The following CCDC88A variants were observed in gnomAD, a reference collection of about 807,000 sequenced individuals.
The protein encoded by CCDC88A is coiled-coil and HOOK domain protein 88A, also known as girdin.
A neutral mutation model predicts 234.3 loss-of-function variants in CCDC88A; 54 were observed. The observed-to-expected ratio is 0.23, with a 90% CI of 0.19 to 0.29. The LOEUF (loss-of-function observed/expected upper bound fraction) is 0.29. Ranked by LOEUF, CCDC88A falls within the 10% of genes least tolerant of loss-of-function variation. The pLI, the probability that CCDC88A is intolerant of heterozygous loss-of-function variation, is 1.00. For synonymous variants in CCDC88A, 753 were observed against 737.8 expected (o/e 1.02, Z -0.33); for missense variants, 1,832 against 2,123.4 (o/e 0.86, Z 2.70).
rs1574210869 is a variant in CCDC88A at position 55,346,320 on chromosome 2, A to G, written c.896T>C (p.Leu299Pro). ...KRLQQENMNLLSDARSARMYR... is the reference protein window; with the variant it reads ...KRLQQENMNLPSDARSARMYR... ...CATTCTGGCAGAGCGAGCATCCGAA[A>G]GCAAATTCATGTTCTAAACAAAAAT... Residue 299 changes from leucine (L) to proline (P), a missense_variant, in exon 10 of 33, where the codon CTT becomes CCT. By Grantham distance (98) the Leu-to-Pro change is moderately conservative (BLOSUM62 -3). Coordinates refer to ENST00000436346, the MANE Select transcript of CCDC88A (RefSeq NM_001365480.1). 6.3e-7 allele frequency: 1 copy of G among 1,588,440 alleles called. No individual in the cohort carries two copies. Among genetic ancestry groups the G allele is most frequent in the East Asian group, 2.3e-5 (1 of 44,188 alleles).
intron 32 of CCDC88A, chr2:55,291,386 AC>A (rs764406687): frequency 2.7e-5 from 5 of 186,892 alleles, no homozygotes; most frequent in African/African-American, 4.7e-5. Context: ...TTGTATTCCT[AC>A]CACAAAAGGC....
At chr2:55,358,949 A>G (rs1204993064) in intron 7 of CCDC88A, among the ~76,000 whole-genome samples, 2 of 152,140 alleles carry the variant, frequency 1.3e-5, no homozygotes, top group Non-Finnish European at 2.9e-5. Context: ...CTTGGAGTCA[A>G]CTTTTATTTG....
chr2:55,349,788 A>AGG (rs1280672943), intron 8 of CCDC88A, 189 bp from the exon 9 acceptor site: 2 of 485,282 alleles, frequency 4.1e-6, no homozygotes, highest in Non-Finnish European at 7.1e-6. Context: ...CATTAATAAA[A>AGG]CCTCTTCCCT....
chr2:55,321,951 A>C (rs893977574), intron 18 of CCDC88A, among the ~76,000 whole-genome samples: 1 of 149,354 alleles, frequency 6.7e-6, no homozygotes, highest in Non-Finnish European at 1.5e-5. Flanking sequence ...CACCACAACT[A>C]TTTTACTTGT....
chr2:55,330,540 T>A (rs575874519), intron 16 of CCDC88A, among the ~76,000 whole-genome samples: 1 of 152,044 alleles, frequency 6.6e-6, no homozygotes. Flanking sequence ...CTGATATACA[T>A]AAATCCCAAG....
chr2:55,332,447 G>T lies in CCDC88A; in HGVS notation c.2855+119C>A, dbSNP rs1685032299. On this transcript the variant is annotated intron_variant, in intron 16 of 32. Transcript: ENST00000436346. The surrounding 1 kb of genome is among the most constrained non-coding windows in gnomAD (Gnocchi z 4.5). Reference sequence around the variant, plus strand: ...ACAGAACTTTCCTTAAGGGAAGGAAGGAACCAGAAATAGGGTGAAATATAT... The same window carrying T: ...ACAGAACTTTCCTTAAGGGAAGGAATGAACCAGAAATAGGGTGAAATATAT... 1.4e-6 allele frequency: 2 copies of T among 1,397,832 alleles called. No individual in the cohort carries two copies. Among genetic ancestry groups the T allele is most frequent in the Non-Finnish European group, 9.3e-7 (1 of 1,077,078 alleles). 86.6% of individuals were successfully genotyped at this position (1,397,832 alleles called of 1,614,324 possible).
intron 2 of CCDC88A, among the ~76,000 whole-genome samples, chr2:55,390,985 A>G (rs1208252955): frequency 6.6e-6 from 1 of 152,218 alleles, no homozygotes; most frequent in Admixed American, 6.5e-5. Context: ...AAAACAAAGC[A>G]AAACAAAAAA....
intron 2 of CCDC88A, among the ~76,000 whole-genome samples, chr2:55,408,843 T>A (rs1239641457): frequency 6.6e-6 from 1 of 152,142 alleles, no homozygotes; most frequent in Non-Finnish European, 1.5e-5. Context: ...TTGGGACCCC[T>A]TTCCAGTAAC....
chr2:55,293,137 A>G (rs981369289), intron 31 of CCDC88A, among the ~76,000 whole-genome samples: 31 of 152,184 alleles, frequency 2.0e-4, no homozygotes, highest in African/African-American at 7.5e-4. Flanking sequence ...TGATTTTTCA[A>G]TGAATTTTGA....
chr2:55,347,663 C>T (rs1574218199), intron 9 of CCDC88A, among the ~76,000 whole-genome samples: 2 of 130,672 alleles, frequency 1.5e-5, no homozygotes, highest in South Asian at 2.6e-4. Flanking sequence ...GGCTGGAGTG[C>T]AGCAGTGGCA....
At chr2:55,343,926 T>C in intron 11 of CCDC88A, 134 bp from the exon 12 acceptor site, 1 of 703,880 alleles carries the variant, frequency 1.4e-6, no homozygotes, top group Middle Eastern at 4.2e-4. Flanking sequence ...TTTTTCAGTT[T>C]TGAAGGCAAT....
intron 2 of CCDC88A, among the ~76,000 whole-genome samples, chr2:55,393,065 G>A (rs1435400974): frequency 6.6e-6 from 1 of 151,678 alleles, no homozygotes; most frequent in African/African-American, 2.4e-5. Context: ...ACCTTGTTGG[G>A]ATTTACTGAC....
intron 3 of CCDC88A, among the ~76,000 whole-genome samples, chr2:55,376,529 TTATC>T (rs1330381536): frequency 6.6e-6 from 1 of 152,200 alleles, no homozygotes; most frequent in Non-Finnish European, 1.5e-5. Flanking sequence ...AATTCATCTC[TTATC>T]TATAATTCTT....
chr2:55,406,762 T>TA (rs11334511), intron 2 of CCDC88A, among the ~76,000 whole-genome samples: 2 of 150,128 alleles, frequency 1.3e-5, no homozygotes, highest in Non-Finnish European at 3.0e-5. Flanking sequence ...CTGTCTCAAA[T>TA]AAAAAAAAAA....
chr2:55,376,481 C>T (rs1348748811), intron 3 of CCDC88A, among the ~76,000 whole-genome samples: 2 of 152,256 alleles, frequency 1.3e-5, no homozygotes, highest in African/African-American at 4.8e-5. Context: ...AGCACTTACC[C>T]ATGGTCAGTG....
At chr2:55,313,280 C>T (rs1275885923) in intron 22 of CCDC88A, 1 of 152,254 alleles carries the variant, frequency 6.6e-6, no homozygotes, top group Non-Finnish European at 1.5e-5. Flanking sequence ...GTTGGTCAGG[C>T]TGGTCTCTAA....
chr2:55,301,620 C>G (rs976036737), intron 27 of CCDC88A: 4 of 553,284 alleles, frequency 7.2e-6, no homozygotes, highest in Non-Finnish European at 1.3e-5. Flanking sequence ...TCACTCTTTA[C>G]CTGGTTTACT....
chr2:55,381,648 A>C (rs935577743), intron 3 of CCDC88A, among the ~76,000 whole-genome samples: 5 of 152,196 alleles, frequency 3.3e-5, no homozygotes, highest in African/African-American at 9.7e-5. Context: ...CATTGTAAGA[A>C]AGACTACTTC....
chr2:55,347,718 T>C (rs1026407634), intron 9 of CCDC88A, among the ~76,000 whole-genome samples: 1 of 148,892 alleles, frequency 6.7e-6, no homozygotes, highest in Non-Finnish European at 1.5e-5. Flanking sequence ...TTCAAGCGAT[T>C]CTTGTGCCTC....
Sources: gnomAD v4.1 joint callset for allele counts (sites outside exome capture counted in the v4.1 genomes callset) on GRCh38, gnomAD v4.1.1 for gene constraint, Gnocchi (gnomAD v3.1) non-coding constraint, MANE v1.5 for transcripts, NCBI Gene and HGNC (gene_info 2026-07-23, HGNC 2026-07-21) for gene names.